TMEM132D: variants seen among roughly 807,000 people sequenced by gnomAD.
The protein encoded by TMEM132D is mature OL transmembrane protein.
Under a neutral mutation model 62.3 loss-of-function variants are expected in TMEM132D, and 21 were observed. The ratio of observed to expected loss-of-function variants is 0.34; its 90% confidence interval spans 0.24 to 0.49. The LOEUF is 0.49. Ranked by LOEUF, TMEM132D falls within the 20% of genes least tolerant of loss-of-function variation. TMEM132D has a pLI of 0.99. For synonymous variants in TMEM132D, 621 were observed against 575.6 expected, an observed-to-expected ratio of 1.08 and a Z score of -1.13; for missense variants, 1,346 against 1,402.8, an observed-to-expected ratio of 0.96 and a Z score of 0.65.
chr12:129,598,223 A>G (rs746394408), intron 2 of TMEM132D, among the ~76,000 whole-genome samples: 2 of 152,236 alleles, frequency 1.3e-5, no homozygotes, highest in Non-Finnish European at 2.9e-5. Flanking sequence ...GGCATCCTAT[A>G]AAATGCTCCT....
At chr12:129,316,089 C>G (rs796289568) in intron 4 of TMEM132D, among the ~76,000 whole-genome samples, 78 of 152,102 alleles carry the variant, frequency 5.1e-4, no homozygotes, top group African/African-American at 1.8e-3. Context: ...TTCAAAGAAC[C>G]AGCTTTTTGT....
At chr12:129,161,691 C>G (rs1400698640) in intron 5 of TMEM132D, among the ~76,000 whole-genome samples, 1 of 152,178 alleles carries the variant, frequency 6.6e-6, no homozygotes, top group Non-Finnish European at 1.5e-5. Flanking sequence ...CCAGCCTCTC[C>G]CCTGGCAAGG....
intron 1 of TMEM132D, among the ~76,000 whole-genome samples, chr12:129,737,185 C>G (rs1324235152): frequency 6.6e-6 from 1 of 152,118 alleles, no homozygotes; most frequent in African/African-American, 2.4e-5. Flanking sequence ...GGAGAGCTGT[C>G]CTGATGTTGT....
intron 1 of TMEM132D, among the ~76,000 whole-genome samples, chr12:129,756,314 C>G (rs1056926448): frequency 1.3e-5 from 2 of 152,158 alleles, no homozygotes; most frequent in African/African-American, 4.8e-5. Context: ...AACTCTGAAT[C>G]AGGCATATCC....
At chr12:129,520,824 C>T (rs941657673) in intron 3 of TMEM132D, among the ~76,000 whole-genome samples, 1 of 152,196 alleles carries the variant, frequency 6.6e-6, no homozygotes, top group African/African-American at 2.4e-5. Flanking sequence ...TTTTCAAGAC[C>T]TTCACACAGG....
intron 4 of TMEM132D, among the ~76,000 whole-genome samples, chr12:129,294,224 C>T (rs978525203): frequency 2.0e-5 from 3 of 152,162 alleles, no homozygotes; most frequent in South Asian, 2.1e-4. Context: ...GCCTTGAATA[C>T]GAATGATGGG....
intron 1 of TMEM132D, among the ~76,000 whole-genome samples, chr12:129,820,200 C>T (rs1321022447): frequency 1.3e-5 from 2 of 152,202 alleles, no homozygotes; most frequent in Non-Finnish European, 1.5e-5. Flanking sequence ...TTTTGAAAGA[C>T]CATCTTGCCT....
chr12:129,816,284 T>C (rs909097542), intron 1 of TMEM132D, among the ~76,000 whole-genome samples: 9 of 152,226 alleles, frequency 5.9e-5, no homozygotes, highest in Non-Finnish European at 8.8e-5. Context: ...CTTCAACATC[T>C]TCTGATTATC....
At chr12:129,749,399 C>G (rs1869924315) in intron 1 of TMEM132D, among the ~76,000 whole-genome samples, 1 of 152,060 alleles carries the variant, frequency 6.6e-6, no homozygotes, top group Non-Finnish European at 1.5e-5. Flanking sequence ...TCAGAGGTGT[C>G]TCTTCAGGTG....
intron 1 of TMEM132D, among the ~76,000 whole-genome samples, chr12:129,874,688 T>C (rs1337410591): frequency 6.8e-6 from 1 of 147,298 alleles, no homozygotes; most frequent in Non-Finnish European, 1.5e-5. Context: ...TAAAAATGTT[T>C]TTCACATTTT....
At position 129,597,773 on chromosome 12, in the gene TMEM132D, T is replaced by C. The variant is rs374282459; in HGVS notation, c.969-66568A>G. On this transcript the variant is annotated intron_variant, in intron 2 of 8. Transcript: ENST00000422113. ...TGGTTGAAGTGTTCTCTTCACATCA[T>C]CAAATGCCCCAAAGGTAGGATTTTC... Among the ~76,000 whole-genome samples the C allele has an allele frequency of 6.6e-5, 10 of 152,324 alleles. No individual in the cohort carries two copies. In the South Asian group the frequency reaches 2.1e-3, roughly 32 times the overall value.
intron 3 of TMEM132D, among the ~76,000 whole-genome samples, chr12:129,394,124 A>G (rs1871358093): frequency 6.6e-6 from 1 of 152,224 alleles, no homozygotes; most frequent in Admixed American, 6.5e-5. Flanking sequence ...TTTTTCAGCA[A>G]CAGGCGGAGG....
At chr12:129,751,730 A>G (rs1870007528) in intron 1 of TMEM132D, among the ~76,000 whole-genome samples, 1 of 152,262 alleles carries the variant, frequency 6.6e-6, no homozygotes, top group African/African-American at 2.4e-5. Context: ...TGTCCAACAA[A>G]GCCATGTCTG....
intron 3 of TMEM132D, among the ~76,000 whole-genome samples, chr12:129,473,952 C>T (rs1412249490): frequency 6.6e-6 from 1 of 152,206 alleles, no homozygotes; most frequent in Non-Finnish European, 1.5e-5. Flanking sequence ...GTATAACCAA[C>T]AAACCAGGCA....
At chr12:129,548,374 C>T (rs1876797922) in intron 2 of TMEM132D, among the ~76,000 whole-genome samples, 1 of 152,174 alleles carries the variant, frequency 6.6e-6, no homozygotes, top group East Asian at 1.9e-4. Flanking sequence ...TGTTCGCCTC[C>T]TCCCTGCCCT....
intron 2 of TMEM132D, among the ~76,000 whole-genome samples, chr12:129,571,111 A>C (rs1000823909): frequency 6.6e-6 from 1 of 152,216 alleles, no homozygotes; most frequent in African/African-American, 2.4e-5. Flanking sequence ...AGGTAATTCT[A>C]TTCCATTTGA....
chr12:129,078,383 T>C, intron 8 of TMEM132D, 151 bp downstream of exon 8: 1 of 701,496 alleles, frequency 1.4e-6, no homozygotes, highest in Admixed American at 2.8e-5. Context: ...AGGAGTCACC[T>C]GCTTCAGAAG....
chr12:129,550,792 G>A (rs1200650293), intron 2 of TMEM132D, among the ~76,000 whole-genome samples: 1 of 152,100 alleles, frequency 6.6e-6, no homozygotes, highest in Non-Finnish European at 1.5e-5. Context: ...CAGCAGATAT[G>A]GCAGATTGTA....
chr12:129,707,529 A>G (rs200987237), intron 1 of TMEM132D, among the ~76,000 whole-genome samples: 1 of 152,302 alleles, frequency 6.6e-6, no homozygotes, highest in South Asian at 2.1e-4. Context: ...TTTCTATAGA[A>G]TATCTTATTT....
Sources: allele counts gnomAD v4.1 joint callset (sites outside exome capture counted in the v4.1 genomes callset), GRCh38; gene constraint gnomAD v4.1.1; transcripts MANE v1.5; gene names NCBI Gene and HGNC (gene_info 2026-07-23, HGNC 2026-07-21).